Variants in MTA3 observed in about 807,000 individuals in gnomAD.
MTA3 encodes metastasis-associated protein MTA3.
Under a neutral mutation model 83.5 loss-of-function variants are expected in MTA3, and 34 were observed. The observed-to-expected ratio is 0.41, with a 90% CI of 0.31 to 0.54. The LOEUF is 0.54. Ranked by LOEUF, MTA3 falls within the 20% of genes least tolerant of loss-of-function variation. The pLI is 0.33. For missense variants in MTA3, 761 were observed against 726.4 expected (o/e 1.05, Z -0.55); for synonymous variants, 303 against 252.7 (o/e 1.20, Z -1.89).
chr2:42,723,691 A>G (rs762404588), intron 16 of MTA3, among the ~76,000 whole-genome samples: 13 of 152,178 alleles, frequency 8.5e-5, no homozygotes, highest in Non-Finnish European at 1.5e-4. Flanking sequence ...TCCAGGCAGT[A>G]TATGTTCTTC....
chr2:42,674,576 T>G (rs1307794118), intron 8 of MTA3, among the ~76,000 whole-genome samples: 3 of 150,858 alleles, frequency 2.0e-5, no homozygotes, highest in African/African-American at 7.3e-5. Context: ...AGGGAAGACT[T>G]TTAGTTTAGT....
chr2:42,563,399 C>T (rs1354419927), intron 2 of MTA3, among the ~76,000 whole-genome samples: 1 of 152,142 alleles, frequency 6.6e-6, no homozygotes, highest in Non-Finnish European at 1.5e-5. Flanking sequence ...AAACTACTGA[C>T]TTCAGGTGAT....
chr2:42,719,665 CTT>C (rs1282035799), intron 15 of MTA3, among the ~76,000 whole-genome samples: 1 of 152,174 alleles, frequency 6.6e-6, no homozygotes. Flanking sequence ...TGAGCCACTG[CTT>C]CAAGCCTTAA....
chr2:42,638,244 C>G (rs1018178655), intron 4 of MTA3, among the ~76,000 whole-genome samples: 7 of 151,820 alleles, frequency 4.6e-5, no homozygotes, highest in Admixed American at 3.3e-4. Flanking sequence ...TTTTAGAAAC[C>G]TCATTTATTA....
At chr2:42,600,459 G>T (rs1028861388) in intron 3 of MTA3, among the ~76,000 whole-genome samples, 1 of 151,278 alleles carries the variant, frequency 6.6e-6, no homozygotes, top group Non-Finnish European at 1.5e-5. Flanking sequence ...TTTGAAAAAG[G>T]TTACATCCTA....
intron 14 of MTA3, among the ~76,000 whole-genome samples, chr2:42,712,183 T>C (rs1666674997): frequency 6.6e-6 from 1 of 152,198 alleles, no homozygotes. Context: ...AAAAGGTCTT[T>C]GCAGATTCAT....
chr2:42,568,699 G>A lies in MTA3; in HGVS notation c.-47G>A, dbSNP rs1341086564. On this transcript the variant is annotated 5_prime_UTR_variant, in exon 1 of 17. Transcript: ENST00000405094. ...CGGCTGAGGCTGAGGAGGAGGCGGCGGCGGCGGGCGGGGCTCGGCTCGGGC... is the reference window on the plus strand; with the variant it reads ...CGGCTGAGGCTGAGGAGGAGGCGGCAGCGGCGGGCGGGGCTCGGCTCGGGC... The A allele has an allele frequency of 2.5e-6, 3 of 1,198,816 alleles. No homozygotes were observed. Among genetic ancestry groups the A allele is most frequent in the East Asian group, 3.5e-5 (1 of 28,286 alleles). The allele number at this position is 1,198,816 out of a possible 1,614,324, so 74.3% of individuals were successfully genotyped here. A position where few individuals can be genotyped will look rare whatever the true frequency, so the allele number is the denominator to read the frequency against.
At chr2:42,525,603 T>TTTCC (rs59291067) in intron 2 of MTA3, among the ~76,000 whole-genome samples, 48,862 of 95,238 alleles carry the variant, frequency 0.51, 9,532 homozygotes, top group Middle Eastern at 0.66. Flanking sequence ...CCTTCCTTCC[T>TTTCC]TTCCTTCCTT....
intron 4 of MTA3, among the ~76,000 whole-genome samples, chr2:42,620,410 G>A (rs373419081): frequency 1.5e-4 from 23 of 152,152 alleles, no homozygotes; most frequent in South Asian, 1.2e-3. Context: ...ATGAGCTACC[G>A]TGCCCTGCCG....
chr2:42,704,834 T>C (rs1298623411), intron 12 of MTA3, among the ~76,000 whole-genome samples: 2 of 152,230 alleles, frequency 1.3e-5, no homozygotes, highest in Non-Finnish European at 2.9e-5. Context: ...TATTTATCTA[T>C]GGTGGCAGTA....
At chr2:42,613,367 G>A (rs190309549) in intron 4 of MTA3, among the ~76,000 whole-genome samples, 4 of 152,260 alleles carry the variant, frequency 2.6e-5, no homozygotes, top group Admixed American at 6.5e-5. Flanking sequence ...GGGCAGAGCC[G>A]AGTTTTCTCA....
chr2:42,662,073 C>G (rs979056410), intron 8 of MTA3, among the ~76,000 whole-genome samples: 4 of 152,040 alleles, frequency 2.6e-5, no homozygotes. Context: ...TTGCCATTTG[C>G]CCATTATTGA....
chr2:42,606,246 T>G (rs371225817), intron 3 of MTA3, among the ~76,000 whole-genome samples: 124 of 121,698 alleles, frequency 1.0e-3, no homozygotes, highest in African/African-American at 3.1e-3. Flanking sequence ...GGGCGGAGAC[T>G]CTCCTCACTT....
Position 42,659,867 on chromosome 2 carries a change from G to A in MTA3, c.702+5G>A, listed in dbSNP as rs773766052. On this transcript the variant is annotated splice_donor_5th_base_variant and intron_variant, in intron 8 of 16. Transcript: ENST00000405094. ...GCTTCCCGAGACATCACCTTGGTAA[G>A]ACATGGTTTGAAATTTTGTGGGTAT... 6.3e-7 allele frequency: 1 copy of A among 1,588,900 alleles called. No homozygotes were observed. Among genetic ancestry groups the A allele is most frequent in the South Asian group, 1.2e-5 (1 of 86,834 alleles).
intron 2 of MTA3, among the ~76,000 whole-genome samples, chr2:42,575,854 C>G: frequency 6.6e-6 from 1 of 152,110 alleles, no homozygotes; most frequent in East Asian, 1.9e-4. Flanking sequence ...TTCTGAAATG[C>G]CCCCCTCATC....
chr2:42,710,549 C>CAA lies in MTA3; in HGVS notation c.1525+1477_1525+1478dup, dbSNP rs765315082. 5.3e-3 allele frequency among the ~76,000 whole-genome samples: 320 copies of CAA among 60,316 alleles called. 1 individual carries two copies. The highest frequency in any genetic ancestry group is 6.2e-3 in the African/African-American group (87 of 13,966). The allele number at this position is 60,316 out of a possible 152,430, so 39.6% of individuals were successfully genotyped here. A position where few individuals can be genotyped will look rare whatever the true frequency, so the allele number is the denominator to read the frequency against. On this transcript the variant is annotated intron_variant, in intron 14 of 16. Transcript: ENST00000405094. ...CTGGGCAATGAGCGAAACTTCATCT[C>CAA]AAAAAAAAAAAAAAAAAAAAAAAAA...
At chr2:42,631,982 G>T (rs1170108134) in intron 4 of MTA3, among the ~76,000 whole-genome samples, 2 of 151,862 alleles carry the variant, frequency 1.3e-5, no homozygotes, top group Non-Finnish European at 2.9e-5. Context: ...GAGCCACCAG[G>T]CCTGGCCTCT....
At chr2:42,583,701 GTA>G (rs1426555692) in intron 3 of MTA3, among the ~76,000 whole-genome samples, 1 of 147,510 alleles carries the variant, frequency 6.8e-6, no homozygotes, top group East Asian at 2.0e-4. Context: ...GCTAATTTTT[GTA>G]TTTTTAGTAG....
intron 16 of MTA3, among the ~76,000 whole-genome samples, chr2:42,724,701 C>T (rs922017241): frequency 7.9e-5 from 12 of 152,122 alleles, no homozygotes; most frequent in Admixed American, 5.9e-4. Context: ...TTTCTGGTAT[C>T]TTCTTTCACT....
Sources: gnomAD v4.1 joint callset for allele counts (sites outside exome capture counted in the v4.1 genomes callset) on GRCh38, gnomAD v4.1.1 for gene constraint, MANE v1.5 for transcripts, NCBI Gene and HGNC (gene_info 2026-07-23, HGNC 2026-07-21) for gene names.